The following PDE10A variants were observed in gnomAD, a reference collection of about 807,000 sequenced individuals.
PDE10A encodes the protein phosphodiesterase 10A.
In PDE10A, 39 loss-of-function variants were observed where a neutral mutation model predicts 97.7. The ratio of observed to expected loss-of-function variants is 0.40; its 90% confidence interval spans 0.31 to 0.52. The LOEUF is 0.52. Ranked by LOEUF, PDE10A falls within the 20% of genes least tolerant of loss-of-function variation. The pLI, the probability that PDE10A is intolerant of heterozygous loss-of-function variation, is 0.56. For synonymous variants in PDE10A, 371 were observed against 376.8 expected (o/e 0.98, Z 0.18); for missense variants, 731 against 1,047.8 (o/e 0.70, Z 4.17).
At chr6:165,686,911 G>A (rs1040064026) in intron 1 of PDE10A, among the ~76,000 whole-genome samples, 4 of 152,192 alleles carry the variant, frequency 2.6e-5, no homozygotes, top group South Asian at 2.1e-4. Flanking sequence ...TGTACGCTTC[G>A]GTAATGTTTG....
intron 1 of PDE10A, among the ~76,000 whole-genome samples, chr6:165,867,994 A>T (rs979069890): frequency 6.6e-6 from 1 of 152,114 alleles, no homozygotes; most frequent in Non-Finnish European, 1.5e-5. Context: ...TGGAAACAGA[A>T]TATTTCAAAA....
chr6:165,580,521 G>A (rs375373398), intron 1 of PDE10A, among the ~76,000 whole-genome samples: 12 of 152,312 alleles, frequency 7.9e-5, no homozygotes, highest in South Asian at 6.2e-4. Flanking sequence ...TCGATCAGCC[G>A]TTAGTGAGGA....
intron 21 of PDE10A, among the ~76,000 whole-genome samples, chr6:165,333,934 T>C (rs141208192): frequency 6.8e-4 from 103 of 152,348 alleles, no homozygotes; most frequent in African/African-American, 2.3e-3. Context: ...TAAAATTCTC[T>C]CAAATTTCTT....
chr6:165,368,265 G>C (rs73030165), intron 18 of PDE10A, among the ~76,000 whole-genome samples: 11,908 of 152,210 alleles, frequency 0.078, 542 homozygotes, highest in Middle Eastern at 0.2. Context: ...CAAAGTGCTG[G>C]GATTAAAGGT....
At chr6:165,935,306 G>A (rs1783287214) in intron 1 of PDE10A, among the ~76,000 whole-genome samples, 1 of 152,208 alleles carries the variant, frequency 6.6e-6, no homozygotes, top group African/African-American at 2.4e-5. Context: ...GGAAGAAAAT[G>A]TGTGTGCAAA....
chr6:165,893,914 A>T (rs1047691770), intron 1 of PDE10A, among the ~76,000 whole-genome samples: 1 of 150,028 alleles, frequency 6.7e-6, no homozygotes, highest in Admixed American at 6.7e-5. Context: ...CATGGTGCTT[A>T]GTTGACCCAT....
intron 1 of PDE10A, among the ~76,000 whole-genome samples, chr6:165,668,270 T>A (rs1179267006): frequency 2.6e-5 from 4 of 152,196 alleles, no homozygotes; most frequent in African/African-American, 9.7e-5. Flanking sequence ...GGGCTGAAAT[T>A]ATAAAAGATG....
chr6:165,720,680 G>A (rs1477812859), intron 1 of PDE10A, among the ~76,000 whole-genome samples: 2 of 152,152 alleles, frequency 1.3e-5, no homozygotes, highest in South Asian at 2.1e-4. Context: ...AATAATACCC[G>A]GATAAGCACA....
chr6:165,590,223 C>G (rs555746527), intron 1 of PDE10A, among the ~76,000 whole-genome samples: 110 of 152,278 alleles, frequency 7.2e-4, no homozygotes, highest in African/African-American at 2.5e-3. Context: ...AGAGCTAATA[C>G]TCATTGGGTA....
intron 17 of PDE10A, among the ~76,000 whole-genome samples, chr6:165,386,093 G>A (rs1385220107): frequency 6.6e-6 from 1 of 152,098 alleles, no homozygotes; most frequent in Non-Finnish European, 1.5e-5. Flanking sequence ...ATGAGCTCCT[G>A]TTACTAGTTC....
chr6:165,975,308 T>A (rs1321260059), intron 1 of PDE10A, among the ~76,000 whole-genome samples: 4 of 152,212 alleles, frequency 2.6e-5, no homozygotes, highest in Admixed American at 2.6e-4. Context: ...AAAAGTTCCA[T>A]TAAAAAGACA....
At chr6:165,954,588 C>T (rs1784072686) in intron 1 of PDE10A, among the ~76,000 whole-genome samples, 2 of 152,116 alleles carry the variant, frequency 1.3e-5, no homozygotes, top group Admixed American at 1.3e-4. Flanking sequence ...CCAGCATTGT[C>T]ATCAAAGGCA....
chr6:165,928,679 G>C (rs1025588066), intron 1 of PDE10A, among the ~76,000 whole-genome samples: 1 of 150,478 alleles, frequency 6.6e-6, no homozygotes, highest in Non-Finnish European at 1.5e-5. Flanking sequence ...CCAACATCCC[G>C]GCTGCTGGTG....
chr6:165,570,801 T>C (rs1785013792), intron 1 of PDE10A, among the ~76,000 whole-genome samples: 1 of 151,900 alleles, frequency 6.6e-6, no homozygotes, highest in South Asian at 2.1e-4. Flanking sequence ...CATTATGTTC[T>C]ATAAAGTCCA....
rs574797790 is a variant in PDE10A, at chr6:165,433,742, G to A, written c.1336-613C>T. On this transcript the variant is annotated intron_variant, in intron 6 of 21. Transcript: ENST00000539869. Reference sequence around the variant, plus strand: ...TCAAAAGAAGTACAGGGGGCCGGGCGCAGTGGCTCAAGCCTGTAATCCCAG... The same window carrying A: ...TCAAAAGAAGTACAGGGGGCCGGGCACAGTGGCTCAAGCCTGTAATCCCAG... 2.6e-4 allele frequency among the ~76,000 whole-genome samples: 39 copies of A among 152,138 alleles called. No individual in the cohort carries two copies. The South Asian group carries it at 6.0e-3, about 23-fold the overall frequency.
In PDE10A at chr6:165,546,225, G is replaced by T. The variant is rs138026558; in HGVS notation, c.866-2657C>A. On this transcript the variant is annotated intron_variant, in intron 1 of 21. Coordinates refer to ENST00000539869, the MANE Select transcript of PDE10A (RefSeq NM_001385079.1). ...TGGAGAAAAGGCATAAGCTGCAGAG[G>T]TAGTAAAAAGATCAGTAACTACCAG... Among the ~76,000 whole-genome samples the T allele has an allele frequency of 9.9e-4, 151 of 152,142 alleles. 1 individual carries two copies. The highest frequency in any genetic ancestry group is 3.5e-3 in the African/African-American group (145 of 41,550).
Position 165,733,505 on chromosome 6 carries a change from A to G in PDE10A, c.-614-189937T>C, listed in dbSNP as rs552977087. Among the ~76,000 whole-genome samples the G allele has an allele frequency of 4.8e-4, 73 of 152,332 alleles. No individual in the cohort carries two copies. The South Asian group carries it at 6.0e-3, about 13-fold the overall frequency. The stretch of plus-strand genomic sequence containing the variant: ...CTACCACAGTATGCAAAGGTGTTGT[A>G]AGGATAAATGGCAATGTCTATAAAG... On this transcript the variant is annotated intron_variant, in intron 1 of 19. Coordinates refer to the PDE10A transcript ENST00000366882.
intron 1 of PDE10A, among the ~76,000 whole-genome samples, chr6:165,628,945 A>T (rs1204693569): frequency 6.6e-6 from 1 of 152,304 alleles, no homozygotes; most frequent in East Asian, 1.9e-4. Context: ...AGAGGGCAAC[A>T]GATCCATGCA....
intron 1 of PDE10A, among the ~76,000 whole-genome samples, chr6:165,586,781 G>A (rs1176120928): frequency 1.3e-5 from 2 of 151,958 alleles, no homozygotes; most frequent in African/African-American, 2.4e-5. Context: ...ATACCAACTC[G>A]CTTCCTTGAT....
Sources: allele counts gnomAD v4.1 joint callset (sites outside exome capture counted in the v4.1 genomes callset), GRCh38; gene constraint gnomAD v4.1.1; transcripts MANE v1.5; gene names NCBI Gene and HGNC (gene_info 2026-07-23, HGNC 2026-07-21).